The following CSMD1 variants were observed in gnomAD, a reference collection of about 807,000 sequenced individuals.
The protein encoded by CSMD1 is CUB and Sushi multiple domains 1.
Under a neutral mutation model 417.5 loss-of-function variants are expected in CSMD1, and 213 were observed. The ratio of observed to expected loss-of-function variants is 0.51; its 90% CI spans 0.46 to 0.57. The LOEUF (loss-of-function observed/expected upper bound fraction) is 0.57. Among genes scored for constraint, CSMD1 ranks in the 20% least tolerant of loss-of-function variants. The pLI, the probability that CSMD1 is intolerant of heterozygous loss-of-function variation, is 0.00. For missense variants in CSMD1, 6,923 were observed against 4,529.7 expected, an observed-to-expected ratio of 1.53 and a Z score of -15.17; for synonymous variants, 2,862 against 1,736.8, an observed-to-expected ratio of 1.65 and a Z score of -16.11.
chr8:4,578,426 A>G (rs1799245368), intron 2 of CSMD1, among the ~76,000 whole-genome samples: 1 of 137,300 alleles, frequency 7.3e-6, no homozygotes, highest in Non-Finnish European at 1.5e-5. Context: ...TGATTCGCCC[A>G]CCTCAGCAAG....
At chr8:4,465,914 T>C (rs186112474) in intron 2 of CSMD1, among the ~76,000 whole-genome samples, 52 of 152,272 alleles carry the variant, frequency 3.4e-4, no homozygotes, top group African/African-American at 9.1e-4. Flanking sequence ...CTCACAGCCA[T>C]AGAAGAAGGA....
Position 3,973,025 on chromosome 8 carries a change from G to C in CSMD1, c.818+24878C>G, listed in dbSNP as rs113384006. Among the ~76,000 whole-genome samples the C allele has an allele frequency of 8.8e-3, 1,337 of 152,328 alleles. 13 individuals are homozygous for C. The highest frequency in any genetic ancestry group is 0.014 in the Non-Finnish European group (966 of 68,028). On this transcript the variant is annotated intron_variant, in intron 5 of 69. Transcript: ENST00000635120. The stretch of plus-strand genomic sequence containing the variant: ...TTACATTTATTTTTCTCTTCTAACA[G>C]TGTTTACCAATAAGATCACAGATAA...
intron 2 of CSMD1, among the ~76,000 whole-genome samples, chr8:4,436,073 G>C (rs898138581): frequency 2.0e-5 from 3 of 152,094 alleles, no homozygotes; most frequent in Non-Finnish European, 4.4e-5. Context: ...ATAATTCCAA[G>C]TTTCAAGAAT....
chr8:4,979,899 G>A (rs371375031), intron 1 of CSMD1, among the ~76,000 whole-genome samples: 9 of 150,498 alleles, frequency 6.0e-5, no homozygotes, highest in African/African-American at 2.0e-4. Flanking sequence ...TTAGCCAGGC[G>A]TGAAGGTGGG....
Position 3,641,024 on chromosome 8 carries a change from CTTTTTTT to C in CSMD1, c.1010-24234_1010-24228del, listed in dbSNP as rs34851559. On this transcript the variant is annotated intron_variant, in intron 7 of 69. Coordinates refer to ENST00000635120, the MANE Select transcript of CSMD1 (RefSeq NM_033225.6). Reference sequence around the variant, plus strand: ...TCCTCTATTTTGTGTTCCTTTTTTCCTTTTTTTTTTTTTTTTTTTTTTTGTGAATAAT... The same window carrying C: ...TCCTCTATTTTGTGTTCCTTTTTTCCTTTTTTTTTTTTTTTTGTGAATAAT... Among the ~76,000 whole-genome samples, 748 of 102,774 alleles carry C rather than the reference CTTTTTTT, an allele frequency of 7.3e-3. 3 individuals are homozygous for C. The highest frequency in any genetic ancestry group is 0.017 in the East Asian group (59 of 3,510). 67.4% of individuals were successfully genotyped at this position (102,774 alleles called of 152,430 possible).
intron 7 of CSMD1, among the ~76,000 whole-genome samples, chr8:3,707,573 G>A (rs1025142774): frequency 1.3e-5 from 2 of 152,196 alleles, no homozygotes; most frequent in African/African-American, 4.8e-5. Context: ...TCTCTCGTTT[G>A]TAAGAAAAGC....
intron 6 of CSMD1, among the ~76,000 whole-genome samples, chr8:3,709,210 G>C (rs1018921167): frequency 7.4e-5 from 11 of 148,654 alleles, no homozygotes; most frequent in Admixed American, 3.4e-4. Flanking sequence ...TGTGATTATA[G>C]AATATAAAAT....
chr8:4,549,212 G>C (rs987097509), intron 2 of CSMD1, among the ~76,000 whole-genome samples: 3 of 151,994 alleles, frequency 2.0e-5, no homozygotes, highest in Non-Finnish European at 4.4e-5. Context: ...CACTCCATTG[G>C]CAGCAATGTA....
At chr8:3,625,660 A>T (rs1796456673) in intron 7 of CSMD1, among the ~76,000 whole-genome samples, 2 of 152,276 alleles carry the variant, frequency 1.3e-5, no homozygotes, top group South Asian at 2.1e-4. Context: ...ACTAAAAAAA[A>T]TAACTCTATT....
At chr8:4,055,308 G>A (rs1177249841) in intron 3 of CSMD1, among the ~76,000 whole-genome samples, 1 of 151,962 alleles carries the variant, frequency 6.6e-6, no homozygotes, top group African/African-American at 2.4e-5. Flanking sequence ...AGATTCCAAT[G>A]TCTCCTTCTC....
chr8:4,874,232 G>C (rs1193089717), intron 1 of CSMD1, among the ~76,000 whole-genome samples: 1 of 151,960 alleles, frequency 6.6e-6, no homozygotes, highest in Non-Finnish European at 1.5e-5. Context: ...CTGTATAATT[G>C]GCCGTGGTTT....
At chr8:3,279,333 A>G (rs1309516234) in intron 26 of CSMD1, among the ~76,000 whole-genome samples, 1 of 152,198 alleles carries the variant, frequency 6.6e-6, no homozygotes, top group Non-Finnish European at 1.5e-5. Context: ...TTGGCAGCAG[A>G]TTTTAAAAAT....
At chr8:3,281,518 C>T (rs941197347) in intron 26 of CSMD1, among the ~76,000 whole-genome samples, 21 of 152,112 alleles carry the variant, frequency 1.4e-4, no homozygotes, top group African/African-American at 5.1e-4. Flanking sequence ...AAGAAATGAT[C>T]CGTACAGCCA....
At chr8:4,188,703 G>A (rs886703514) in intron 3 of CSMD1, among the ~76,000 whole-genome samples, 1 of 152,006 alleles carries the variant, frequency 6.6e-6, no homozygotes, top group Non-Finnish European at 1.5e-5. Context: ...AAGAGGAAGT[G>A]TAAATAAAAA....
Position 4,711,674 on chromosome 8 carries a change from A to ATT in CSMD1, c.86-74117_86-74116insAA, listed in dbSNP as rs1808308463. Among the ~76,000 whole-genome samples the ATT allele has an allele frequency of 3.3e-5, 5 of 152,022 alleles. No individual in the cohort carries two copies. The South Asian group carries it at 1.0e-3, about 32-fold the overall frequency. ...ACTTCTTTACTGTAGGTAAATTTAA[A>ATT]AAAAAAATCCATTAAAGTCTTTGAG... On this transcript the variant is annotated intron_variant, in intron 1 of 69. Coordinates refer to ENST00000635120, the MANE Select transcript of CSMD1 (RefSeq NM_033225.6).
At chr8:4,211,442 G>C (rs1431441992) in intron 3 of CSMD1, among the ~76,000 whole-genome samples, 1 of 152,116 alleles carries the variant, frequency 6.6e-6, no homozygotes, top group Non-Finnish European at 1.5e-5. Flanking sequence ...ACATATAGCA[G>C]TTTACGCATG....
At chr8:3,017,625 G>C (rs1369934836) in intron 52 of CSMD1, among the ~76,000 whole-genome samples, 2 of 151,942 alleles carry the variant, frequency 1.3e-5, no homozygotes, top group Non-Finnish European at 2.9e-5. Flanking sequence ...CCTTTTGGTG[G>C]TTGGTTTTTC....
At chr8:3,791,174 A>G (rs549439934) in intron 5 of CSMD1, among the ~76,000 whole-genome samples, 16 of 152,294 alleles carry the variant, frequency 1.1e-4, no homozygotes, top group Admixed American at 8.5e-4. Context: ...ATATTTTAGG[A>G]GCATTTAGAT....
intron 68 of CSMD1, among the ~76,000 whole-genome samples, chr8:2,946,815 G>A (rs1268659834): frequency 6.6e-6 from 1 of 152,170 alleles, no homozygotes; most frequent in African/African-American, 2.4e-5. Flanking sequence ...GTGTTTTCCA[G>A]AGCAGCTGCA....
Sources: allele counts gnomAD v4.1 joint callset (sites outside exome capture counted in the v4.1 genomes callset), GRCh38; gene constraint gnomAD v4.1.1; transcripts MANE v1.5; gene names NCBI Gene and HGNC (gene_info 2026-07-23, HGNC 2026-07-21).